The following ST3GAL3 variants were observed in gnomAD, a reference collection of about 807,000 sequenced individuals.
ST3GAL3 encodes the protein ST3 beta-galactoside alpha-2,3-sialyltransferase 3.
A neutral mutation model predicts 50.1 loss-of-function variants in ST3GAL3; 21 were observed. That is an observed-to-expected ratio of 0.42 (90% confidence interval 0.30 to 0.60). The LOEUF is 0.60. ST3GAL3 is among the 20% of genes least tolerant of loss of function. The pLI is 0.19. For missense variants in ST3GAL3, 353 were observed against 489.4 expected, an observed-to-expected ratio of 0.72 and a Z score of 2.63; for synonymous variants, 183 against 190.0, an observed-to-expected ratio of 0.96 and a Z score of 0.30.
intron 3 of ST3GAL3, among the ~76,000 whole-genome samples, chr1:43,805,615 T>C (rs894988176): frequency 6.6e-6 from 1 of 152,232 alleles, no homozygotes; most frequent in African/African-American, 2.4e-5. Flanking sequence ...GTGGAACTTC[T>C]AGACTAGCAG....
Position 43,713,123 on chromosome 1 carries a change from A to G in ST3GAL3, c.-31+5430A>G, listed in dbSNP as rs546871294. ...AAAATATTTATGCAGGATGAAGGTT[A>G]GAATGAGGTAAGACTGGACGGAAGG... On this transcript the variant is annotated intron_variant, in intron 1 of 11. Transcript: ENST00000347631. Among the ~76,000 whole-genome samples, 7 of 152,322 alleles carry G rather than the reference A, an allele frequency of 4.6e-5. No individual in the cohort carries two copies. In the South Asian group the frequency reaches 1.4e-3, roughly 32 times the overall value.
intron 9 of ST3GAL3, chr1:43,920,150 G>T (rs889522938): frequency 1.5e-5 from 8 of 532,712 alleles, no homozygotes; most frequent in Non-Finnish European, 2.7e-5. Context: ...GTGCCTGCCC[G>T]ACGACTCCCT....
At chr1:43,774,424 G>A (rs2154135751) in intron 2 of ST3GAL3, among the ~76,000 whole-genome samples, 1 of 152,280 alleles carries the variant, frequency 6.6e-6, no homozygotes, top group East Asian at 1.9e-4. Context: ...CCTTTCAGGT[G>A]TTGAGTGGAT....
chr1:43,833,786 C>T (rs1357690736), intron 4 of ST3GAL3, among the ~76,000 whole-genome samples: 1 of 152,052 alleles, frequency 6.6e-6, no homozygotes, highest in East Asian at 1.9e-4. Flanking sequence ...TGGCGCAGGT[C>T]CACAGGGGGA....
chr1:43,859,442 C>T (rs777264867), intron 5 of ST3GAL3, among the ~76,000 whole-genome samples: 17 of 152,006 alleles, frequency 1.1e-4, no homozygotes, highest in Non-Finnish European at 2.2e-4. Context: ...GCCTGTAATC[C>T]CAGCTACTCA....
At chr1:43,849,097 G>A (rs2066807604) in intron 5 of ST3GAL3, among the ~76,000 whole-genome samples, 1 of 151,900 alleles carries the variant, frequency 6.6e-6, no homozygotes, top group Admixed American at 6.6e-5. Flanking sequence ...AGCAGTTTTG[G>A]GATTTATGTA....
chr1:43,911,618 TATATCTATAG>T (rs2080899507), intron 9 of ST3GAL3, among the ~76,000 whole-genome samples: 1 of 121,786 alleles, frequency 8.2e-6, no homozygotes, highest in African/African-American at 2.9e-5. Context: ...TATCTACAGA[TATATCTATAG>T]ATATCTATAT....
At chr1:43,759,810 G>A (rs2154119698) in intron 2 of ST3GAL3, among the ~76,000 whole-genome samples, 2 of 152,284 alleles carry the variant, frequency 1.3e-5, no homozygotes, top group Middle Eastern at 6.8e-3. Context: ...ACTTAAAAAT[G>A]TTATTGACGA....
intron 9 of ST3GAL3, among the ~76,000 whole-genome samples, chr1:43,905,202 TC>T (rs1557442161): frequency 5.8e-5 from 4 of 69,306 alleles, no homozygotes; most frequent in Admixed American, 1.8e-4. Flanking sequence ...CCACTCTTCC[TC>T]CCCCTCCTCC....
intron 3 of ST3GAL3, among the ~76,000 whole-genome samples, chr1:43,808,825 G>T (rs2060207706): frequency 6.6e-6 from 1 of 152,158 alleles, no homozygotes; most frequent in African/African-American, 2.4e-5. Flanking sequence ...ACCACTGGAA[G>T]GGGGCAGCCA....
At chr1:43,817,897 C>CT (rs2061617865) in intron 4 of ST3GAL3, among the ~76,000 whole-genome samples, 1 of 140,896 alleles carries the variant, frequency 7.1e-6, no homozygotes, top group African/African-American at 2.6e-5. Flanking sequence ...TTTCTTCTTT[C>CT]TTTTTTCTTC....
At chr1:43,917,483 A>ATATATATAT (rs2082054596) in intron 9 of ST3GAL3, among the ~76,000 whole-genome samples, 1 of 89,654 alleles carries the variant, frequency 1.1e-5, no homozygotes, top group African/African-American at 4.8e-5. Context: ...AATATATATA[A>ATATATATAT]TATATAATAT....
At chr1:43,716,906 GCTT>G (rs1450177855) in intron 1 of ST3GAL3, among the ~76,000 whole-genome samples, 1 of 152,126 alleles carries the variant, frequency 6.6e-6, no homozygotes, top group African/African-American at 2.4e-5. Context: ...TGTTATAATG[GCTT>G]CTTCTTGCTC....
At chr1:43,746,753 C>T (rs928610952) in intron 2 of ST3GAL3, among the ~76,000 whole-genome samples, 9 of 148,862 alleles carry the variant, frequency 6.0e-5, no homozygotes, top group Admixed American at 2.0e-4. Context: ...TGAGCCACTG[C>T]GCCTGGCCTA....
rs114941517 is a variant in ST3GAL3 at position 43,831,969 on chromosome 1, C to T, written c.210-6250C>T. On this transcript the variant is annotated intron_variant, in intron 4 of 11. Coordinates refer to ENST00000347631, the MANE Select transcript of ST3GAL3 (RefSeq NM_006279.5). ...TAAAGCTGAATTAGATCATTAGATCCGCTGTCTGGTGCCTGGTTTGTGCTC... is the reference window on the plus strand; with the variant it reads ...TAAAGCTGAATTAGATCATTAGATCTGCTGTCTGGTGCCTGGTTTGTGCTC... Among the ~76,000 whole-genome samples, 865 of 152,220 alleles carry T rather than the reference C, an allele frequency of 5.7e-3. 6 individuals are homozygous for T. The highest frequency in any genetic ancestry group is 0.01 in the Middle Eastern group (3 of 294).
intron 1 of ST3GAL3, among the ~76,000 whole-genome samples, chr1:43,716,044 T>C (rs999029469): frequency 1.3e-5 from 2 of 152,228 alleles, no homozygotes; most frequent in Non-Finnish European, 2.9e-5. Context: ...TGTGTGACTT[T>C]TATATCCTTC....
chr1:43,802,391 A>G (rs935464609), intron 3 of ST3GAL3, among the ~76,000 whole-genome samples: 4 of 152,252 alleles, frequency 2.6e-5, no homozygotes, highest in Non-Finnish European at 5.9e-5. Context: ...CTTCAGTTAG[A>G]ACAAATGGAT....
At chr1:43,846,310 C>T (rs542471196) in intron 5 of ST3GAL3, among the ~76,000 whole-genome samples, 2 of 152,252 alleles carry the variant, frequency 1.3e-5, no homozygotes, top group East Asian at 3.9e-4. Context: ...TGTTGTATCC[C>T]ATTTCTAATA....
chr1:43,758,592 A>G (rs998794113), intron 2 of ST3GAL3, among the ~76,000 whole-genome samples: 1 of 152,212 alleles, frequency 6.6e-6, no homozygotes. Flanking sequence ...ATTAAGATTT[A>G]AAGTATTTTT....
Sources: gnomAD v4.1 joint callset for allele counts (sites outside exome capture counted in the v4.1 genomes callset) on GRCh38, gnomAD v4.1.1 for gene constraint, MANE v1.5 for transcripts, NCBI Gene and HGNC (gene_info 2026-07-23, HGNC 2026-07-21) for gene names.